Variants in ATG5 observed in about 807,000 individuals in gnomAD.
The protein encoded by ATG5 is autophagy protein 5.
Under a neutral mutation model 36.5 loss-of-function variants are expected in ATG5, and 14 were observed. The observed-to-expected ratio is 0.38, with a 90% confidence interval of 0.25 to 0.60. ATG5 has a LOEUF of 0.60. ATG5 is among the 20% of genes least tolerant of loss of function. The pLI is 0.60. For missense variants in ATG5, 195 were observed against 326.7 expected, an observed-to-expected ratio of 0.60 and a Z score of 3.11; for synonymous variants, 95 against 101.5, an observed-to-expected ratio of 0.94 and a Z score of 0.38.
intron 4 of ATG5, among the ~76,000 whole-genome samples, chr6:106,290,238 TTATC>T (rs1313230225): frequency 8.1e-5 from 12 of 147,970 alleles, no homozygotes; most frequent in Admixed American, 2.0e-4. Context: ...TTTATTTTAT[TTATC>T]TATTTTATTT....
chr6:106,236,046 TCA>T lies in ATG5; in HGVS notation c.573+12102_573+12103del, dbSNP rs1327989429. Among the ~76,000 whole-genome samples the T allele has an allele frequency of 5.3e-5, 8 of 152,344 alleles. No individual in the cohort carries two copies. The East Asian group carries it at 1.5e-3, about 29-fold the overall frequency. On this transcript the variant is annotated intron_variant, in intron 6 of 7. Coordinates refer to ENST00000369076, the MANE Select transcript of ATG5 (RefSeq NM_004849.4). ...TGGCCTCAGAAGAATCATTTTTTTG[TCA>T]CTACATATTAGTTTTGTCTGTTCTA...
At chr6:106,325,054 T>C (rs1231059177) in intron 1 of ATG5, among the ~76,000 whole-genome samples, 1 of 152,214 alleles carries the variant, frequency 6.6e-6, no homozygotes, top group African/African-American at 2.4e-5. Context: ...AAATGAAGTA[T>C]GTAAAAGTGT....
chr6:106,196,702 AAC>A lies in ATG5; in HGVS notation c.691+5268_691+5269del, dbSNP rs568565261. 3.8e-3 allele frequency among the ~76,000 whole-genome samples: 563 copies of A among 149,738 alleles called. 2 individuals carry two copies. Among genetic ancestry groups the A allele is most frequent in the Admixed American group, 7.6e-3 (113 of 14,894 alleles). ...GGCATCACTGCACTCCAGCCTGAGC[AAC>A]AGAGTGAGAATCAGTCTCAAAAAAA... On this transcript the variant is annotated intron_variant, in intron 7 of 7. Transcript: ENST00000369076.
chr6:106,220,259 T>C (rs1390567058), intron 6 of ATG5, among the ~76,000 whole-genome samples: 2 of 152,186 alleles, frequency 1.3e-5, no homozygotes, highest in African/African-American at 4.8e-5. Flanking sequence ...CAATATGTAA[T>C]ATCAATATAA....
At chr6:106,272,823 G>GA (rs1779501824) in intron 5 of ATG5, among the ~76,000 whole-genome samples, 1 of 152,172 alleles carries the variant, frequency 6.6e-6, no homozygotes, top group Admixed American at 6.5e-5. Context: ...CAAAGACAAT[G>GA]AATGTTGTTT....
Position 106,186,394 on chromosome 6 carries a change from GA to G in ATG5, c.*145del. The G allele has an allele frequency of 1.1e-6, 1 of 945,072 alleles. No individual in the cohort carries two copies. The highest frequency in any genetic ancestry group is 2.5e-5 in the East Asian group (1 of 39,490). 58.5% of individuals were successfully genotyped at this position (945,072 alleles called of 1,614,324 possible). ...TAAGACCAGCCCAGTTGCCTTATCT[GA>G]CATGGAATCTTTTTCCTGTCTGGCT... On this transcript the variant is annotated 3_prime_UTR_variant, in exon 8 of 8. Transcript: ENST00000369076.
chr6:106,295,086 A>G (rs752169300), intron 3 of ATG5, among the ~76,000 whole-genome samples: 4 of 152,042 alleles, frequency 2.6e-5, no homozygotes, highest in Non-Finnish European at 2.9e-5. Flanking sequence ...ACATATACAC[A>G]CATATATAGT....
chr6:106,269,791 C>G (rs1009461959), intron 5 of ATG5, among the ~76,000 whole-genome samples: 15 of 151,514 alleles, frequency 9.9e-5, no homozygotes, highest in Non-Finnish European at 1.3e-4. Context: ...CCTCTCCCTC[C>G]ACACCTCCCT....
At chr6:106,291,105 C>T (rs1780289815) in intron 4 of ATG5, among the ~76,000 whole-genome samples, 1 of 152,154 alleles carries the variant, frequency 6.6e-6, no homozygotes, top group Admixed American at 6.5e-5. Flanking sequence ...AAATAAGTGG[C>T]CAGTTCAGCT....
At chr6:106,262,935 G>A (rs933922871) in intron 5 of ATG5, among the ~76,000 whole-genome samples, 46 of 152,330 alleles carry the variant, frequency 3.0e-4, no homozygotes, top group African/African-American at 1.0e-3. Flanking sequence ...GGCAGACACC[G>A]AGCTAGCTGC....
intron 6 of ATG5, among the ~76,000 whole-genome samples, chr6:106,229,838 G>T (rs1777605023): frequency 6.6e-6 from 1 of 152,190 alleles, no homozygotes; most frequent in Non-Finnish European, 1.5e-5. Context: ...AACTTTTAGA[G>T]GAAACCTCAT....
chr6:106,309,591 T>C (rs1770573392), intron 2 of ATG5, among the ~76,000 whole-genome samples: 1 of 152,160 alleles, frequency 6.6e-6, no homozygotes, highest in African/African-American at 2.4e-5. Flanking sequence ...AAGGAATTCT[T>C]ACTATTTAAT....
intron 7 of ATG5, among the ~76,000 whole-genome samples, chr6:106,196,062 T>G (rs992398478): frequency 6.6e-6 from 1 of 152,160 alleles, no homozygotes; most frequent in Non-Finnish European, 1.5e-5. Flanking sequence ...CATTTACGTG[T>G]CTGATGTTCA....
At chr6:106,294,728 A>C (rs1780464334) in intron 3 of ATG5, among the ~76,000 whole-genome samples, 1 of 151,464 alleles carries the variant, frequency 6.6e-6, no homozygotes, top group Admixed American at 6.6e-5. Flanking sequence ...CTGCAGCCCT[A>C]GCTACTCAGG....
At chr6:106,220,963 G>A (rs1409412604) in intron 6 of ATG5, among the ~76,000 whole-genome samples, 2 of 152,206 alleles carry the variant, frequency 1.3e-5, no homozygotes, top group Non-Finnish European at 2.9e-5. Flanking sequence ...CAATAGTAAA[G>A]TTGAAGAAAT....
chr6:106,271,457 A>G (rs1779450207), intron 5 of ATG5, among the ~76,000 whole-genome samples: 2 of 152,102 alleles, frequency 1.3e-5, no homozygotes, highest in Non-Finnish European at 2.9e-5. Context: ...GATAGCTATG[A>G]ATCAGGAAGA....
At chr6:106,276,168 T>C (rs1305703286) in intron 5 of ATG5, among the ~76,000 whole-genome samples, 2 of 152,192 alleles carry the variant, frequency 1.3e-5, no homozygotes, top group African/African-American at 2.4e-5. Context: ...TCTTGTTTTA[T>C]AGATTAAGAA....
chr6:106,258,881 T>C (rs1009612052), intron 5 of ATG5, among the ~76,000 whole-genome samples: 4 of 152,186 alleles, frequency 2.6e-5, no homozygotes, highest in African/African-American at 9.6e-5. Context: ...CTGTAGTATT[T>C]AGAGATGACA....
chr6:106,213,722 G>A (rs560031734), intron 6 of ATG5, among the ~76,000 whole-genome samples: 2 of 152,276 alleles, frequency 1.3e-5, no homozygotes, highest in Middle Eastern at 3.4e-3. Context: ...TCCCAACAAC[G>A]TACTGTGTAT....
Sources: gnomAD v4.1 joint callset for allele counts (sites outside exome capture counted in the v4.1 genomes callset) on GRCh38, gnomAD v4.1.1 for gene constraint, MANE v1.5 for transcripts, NCBI Gene and HGNC (gene_info 2026-07-23, HGNC 2026-07-21) for gene names.